The following CPEB3 variants were observed in gnomAD, a reference collection of about 807,000 sequenced individuals.
The protein encoded by CPEB3 is cytoplasmic polyadenylation element binding protein 3.
A neutral mutation model predicts 67.2 loss-of-function variants in CPEB3; 20 were observed. The observed-to-expected ratio is 0.30, with a 90% confidence interval of 0.21 to 0.43. The LOEUF (loss-of-function observed/expected upper bound fraction) is 0.43. CPEB3 is among the 20% of genes least tolerant of loss of function. The probability of loss-of-function intolerance (pLI) is 1.00; values close to 1 mark genes in which losing one functional copy is unlikely to be tolerated. For missense variants in CPEB3, 746 were observed against 968.6 expected, an observed-to-expected ratio of 0.77 and a Z score of 3.05; for synonymous variants, 376 against 393.1, an observed-to-expected ratio of 0.96 and a Z score of 0.51.
chr10:92,138,664 T>A (rs1240832943), intron 6 of CPEB3, among the ~76,000 whole-genome samples: 1 of 152,116 alleles, frequency 6.6e-6, no homozygotes, highest in Non-Finnish European at 1.5e-5. Flanking sequence ...CTCACCACAG[T>A]TAAAATGGTT....
At chr10:92,233,011 T>C (rs1414000105) in intron 2 of CPEB3, among the ~76,000 whole-genome samples, 1 of 152,144 alleles carries the variant, frequency 6.6e-6, no homozygotes, top group Non-Finnish European at 1.5e-5. Flanking sequence ...CTCTTTTAAA[T>C]AGAAAATAGA....
Position 92,192,455 on chromosome 10 carries a change from T to C in CPEB3, c.1165+22A>G, listed in dbSNP as rs1351709750. On this transcript the variant is annotated intron_variant, in intron 3 of 9. Transcript: ENST00000265997. ...TTTGCTTAAAACACCAAGCAAGAAA[T>C]GGACATATGAATATTCCTAACCTGC... is the stretch of plus-strand genomic sequence containing the variant. 3 of 1,574,556 alleles carry C rather than the reference T, an allele frequency of 1.9e-6. No individual in the cohort carries two copies. In the African/African-American group the frequency reaches 4.1e-5, roughly 21 times the overall value.
chr10:92,062,793 C>G (rs1842404909), intron 9 of CPEB3, among the ~76,000 whole-genome samples: 1 of 152,206 alleles, frequency 6.6e-6, no homozygotes, highest in South Asian at 2.1e-4. Flanking sequence ...ACATACCAGT[C>G]TGGTGAGATC....
chr10:92,118,164 T>C (rs1239636697), intron 6 of CPEB3, among the ~76,000 whole-genome samples: 2 of 152,170 alleles, frequency 1.3e-5, no homozygotes, highest in Non-Finnish European at 2.9e-5. Context: ...GGAGTTTCGC[T>C]CTTGTTGCCC....
At chr10:92,236,905 T>G (rs1002479606) in intron 2 of CPEB3, among the ~76,000 whole-genome samples, 3 of 152,042 alleles carry the variant, frequency 2.0e-5, no homozygotes, top group South Asian at 4.1e-4. Context: ...TACATTAGAG[T>G]AGATCACTGC....
intron 2 of CPEB3, among the ~76,000 whole-genome samples, chr10:92,210,480 T>A (rs900951325): frequency 2.7e-4 from 41 of 152,070 alleles, no homozygotes; most frequent in African/African-American, 9.2e-4. Context: ...GTATAAAAAA[T>A]TAATAGCAAT....
chr10:92,212,104 C>T (rs1850122098), intron 2 of CPEB3, among the ~76,000 whole-genome samples: 1 of 151,882 alleles, frequency 6.6e-6, no homozygotes, highest in Admixed American at 6.6e-5. Context: ...TGGTTTTGAA[C>T]TCCTGACCTC....
chr10:92,250,883 T>TTC (rs1852269809), intron 1 of CPEB3, among the ~76,000 whole-genome samples: 1 of 135,090 alleles, frequency 7.4e-6, no homozygotes, highest in African/African-American at 2.8e-5. Flanking sequence ...TTTTTTTTTT[T>TTC]GTATCTTTAA....
chr10:92,208,872 G>C (rs903766809), intron 2 of CPEB3, among the ~76,000 whole-genome samples: 22 of 152,118 alleles, frequency 1.4e-4, no homozygotes, highest in African/African-American at 5.1e-4. Context: ...TGAGATTACA[G>C]GGCAGGAGCC....
chr10:92,210,274 C>G (rs577210089), intron 2 of CPEB3, among the ~76,000 whole-genome samples: 49 of 152,242 alleles, frequency 3.2e-4, no homozygotes, highest in African/African-American at 1.1e-3. Context: ...GCCTACCTCA[C>G]CTGGATGCTA....
chr10:92,069,198 G>A (rs1842662505), intron 9 of CPEB3, among the ~76,000 whole-genome samples: 2 of 152,180 alleles, frequency 1.3e-5, no homozygotes, highest in East Asian at 1.9e-4. Context: ...GGTCATATTA[G>A]TCTTCGTGTA....
intron 1 of CPEB3, among the ~76,000 whole-genome samples, chr10:92,240,789 C>A (rs1851810391): frequency 6.6e-6 from 1 of 152,180 alleles, no homozygotes; most frequent in African/African-American, 2.4e-5. Context: ...ACTGCTGCGT[C>A]CTTCAGCAAG....
chr10:92,197,688 T>A (rs1039429018), intron 2 of CPEB3, among the ~76,000 whole-genome samples: 2 of 152,242 alleles, frequency 1.3e-5, no homozygotes, highest in Non-Finnish European at 2.9e-5. Flanking sequence ...CCTCTCTTTC[T>A]TCCCTCAGCT....
chr10:92,176,893 G>T (rs895767554), intron 4 of CPEB3, among the ~76,000 whole-genome samples: 1 of 152,220 alleles, frequency 6.6e-6, no homozygotes, highest in Non-Finnish European at 1.5e-5. Context: ...TGTGGCCCAA[G>T]ACGGCTTTGA....
chr10:92,239,481 CGAGATGGGGTTGAGCGGG>C lies in CPEB3; in HGVS notation c.852_869del (p.Asn287_Leu292del). On this transcript the variant is annotated inframe_deletion, in exon 2 of 10. Coordinates refer to ENST00000265997, the MANE Select transcript of CPEB3 (RefSeq NM_014912.5). The surrounding 1 kb of genome is among the most constrained non-coding windows in gnomAD (Gnocchi z 6.0). Reference sequence around the variant, plus strand: ...TGCTGGAGAAGGGCTTTTTGAGCGGCGAGATGGGGTTGAGCGGGGAAGGCACCCCGACACCCACACCCA... The same window carrying C: ...TGCTGGAGAAGGGCTTTTTGAGCGGCGAAGGCACCCCGACACCCACACCCA... The C allele has an allele frequency of 1.3e-6, 2 of 1,591,162 alleles. No individual in the cohort carries two copies. Among genetic ancestry groups the C allele is most frequent in the East Asian group, 2.3e-5 (1 of 44,222 alleles).
chr10:92,245,417 T>G (rs533106418), intron 1 of CPEB3, among the ~76,000 whole-genome samples: 23 of 152,232 alleles, frequency 1.5e-4, no homozygotes, highest in Admixed American at 9.2e-4. Flanking sequence ...ATTACAGACA[T>G]GAGCCACCGT....
chr10:92,186,367 G>A (rs567458257), intron 3 of CPEB3, among the ~76,000 whole-genome samples: 1 of 152,034 alleles, frequency 6.6e-6, no homozygotes, highest in South Asian at 2.1e-4. Flanking sequence ...TCCAGCCTGG[G>A]TTACACAGCG....
At chr10:92,054,650 C>T (rs1842045832) in intron 9 of CPEB3, among the ~76,000 whole-genome samples, 1 of 152,078 alleles carries the variant, frequency 6.6e-6, no homozygotes, top group South Asian at 2.1e-4. Context: ...CCGTGTTGGC[C>T]AGGCTGGTCT....
chr10:92,068,381 C>T (rs1014449946), intron 9 of CPEB3, among the ~76,000 whole-genome samples: 2 of 152,076 alleles, frequency 1.3e-5, no homozygotes, highest in African/African-American at 4.8e-5. Flanking sequence ...CATGGTATCA[C>T]CCCCTCAGGG....
Sources: gnomAD v4.1 joint callset for allele counts (sites outside exome capture counted in the v4.1 genomes callset) on GRCh38, gnomAD v4.1.1 for gene constraint, Gnocchi (gnomAD v3.1) non-coding constraint, MANE v1.5 for transcripts, NCBI Gene and HGNC (gene_info 2026-07-23, HGNC 2026-07-21) for gene names.